Variants in ZNRF1 observed in about 807,000 individuals in gnomAD.
The protein encoded by ZNRF1 is zinc and ring finger 1, also known as E3 ubiquitin-protein ligase ZNRF1.
In ZNRF1, 3 loss-of-function variants were observed where a neutral mutation model predicts 18.4. The observed-to-expected ratio is 0.16, with a 90% CI of 0.07 to 0.42. The LOEUF is 0.42. Among genes scored for constraint, ZNRF1 ranks in the 10% least tolerant of loss-of-function variants. The pLI is 0.99. For missense variants in ZNRF1, 310 were observed against 329.8 expected, an observed-to-expected ratio of 0.94 and a Z score of 0.47; for synonymous variants, 157 against 144.2, an observed-to-expected ratio of 1.09 and a Z score of -0.64.
intron 2 of ZNRF1, among the ~76,000 whole-genome samples, chr16:75,094,357 A>G (rs966286180): frequency 6.6e-6 from 1 of 152,206 alleles, no homozygotes; most frequent in Non-Finnish European, 1.5e-5. Flanking sequence ...GGGGATTTCA[A>G]AACACCCAAG....
At chr16:75,018,690 A>G (rs973568319) in intron 1 of ZNRF1, among the ~76,000 whole-genome samples, 1 of 152,164 alleles carries the variant, frequency 6.6e-6, no homozygotes, top group Non-Finnish European at 1.5e-5. Flanking sequence ...GATTTGAATT[A>G]TGTTAATAGA....
At chr16:75,084,796 C>T (rs976309696) in intron 1 of ZNRF1, among the ~76,000 whole-genome samples, 24 of 152,286 alleles carry the variant, frequency 1.6e-4, no homozygotes, top group African/African-American at 4.8e-4. Context: ...ACCGCTGTAT[C>T]CAAATTAGCA....
chr16:75,058,390 G>A (rs533466184), intron 1 of ZNRF1, among the ~76,000 whole-genome samples: 1 of 152,204 alleles, frequency 6.6e-6, no homozygotes, highest in South Asian at 2.1e-4. Flanking sequence ...TGCTTGCAAG[G>A]AGCACTCTAA....
At chr16:75,067,846 C>CA (rs1308459076) in intron 1 of ZNRF1, among the ~76,000 whole-genome samples, 1 of 152,166 alleles carries the variant, frequency 6.6e-6, no homozygotes, top group Non-Finnish European at 1.5e-5. Flanking sequence ...GGTAACACCA[C>CA]AAAATTAATA....
At chr16:75,049,247 T>C (rs1301668996) in intron 1 of ZNRF1, among the ~76,000 whole-genome samples, 5 of 152,110 alleles carry the variant, frequency 3.3e-5, no homozygotes, top group Non-Finnish European at 7.4e-5. Flanking sequence ...TTAGGTGATC[T>C]GCCCGCTTTG....
At chr16:75,033,437 GTTTT>G (rs55813752) in intron 1 of ZNRF1, among the ~76,000 whole-genome samples, 156 of 98,120 alleles carry the variant, frequency 1.6e-3, no homozygotes, top group Middle Eastern at 9.7e-3. Flanking sequence ...GTGTTTTATA[GTTTT>G]TTTTTTTTTT....
At chr16:75,095,815 C>A (rs2036190900) in intron 2 of ZNRF1, 9 of 1,405,188 alleles carry the variant, frequency 6.4e-6, no homozygotes, top group Non-Finnish European at 8.5e-6. Flanking sequence ...CCCCTGTCCC[C>A]CTCTGTATCA....
Position 75,093,553 on chromosome 16 carries a change from C to A in ZNRF1, c.425-19C>A. 1 of 1,595,482 alleles carries A rather than the reference C, an allele frequency of 6.3e-7. No homozygotes were observed. Among genetic ancestry groups the A allele is most frequent in the Non-Finnish European group, 8.6e-7 (1 of 1,163,228 alleles). On this transcript the variant is annotated intron_variant, in intron 1 of 4. Coordinates refer to ENST00000335325, the MANE Select transcript of ZNRF1 (RefSeq NM_032268.5). ...CTGGATCTGGAGAAAACATTTCATC[C>A]CATTCTCCTCTCTTTCAGGTTTCAA...
chr16:75,049,434 C>A (rs547420449), intron 1 of ZNRF1, among the ~76,000 whole-genome samples: 4 of 152,158 alleles, frequency 2.6e-5, no homozygotes, highest in Admixed American at 2.0e-4. Context: ...TCAGGCAATT[C>A]TCCTGCCTCA....
intron 1 of ZNRF1, among the ~76,000 whole-genome samples, chr16:75,069,412 A>C (rs1425692574): frequency 6.6e-6 from 1 of 151,980 alleles, no homozygotes; most frequent in East Asian, 1.9e-4. Flanking sequence ...GAGTGGGCTT[A>C]TCTGGGCTTT....
chr16:75,104,663 G>A, intron 2 of ZNRF1, 121 bp from the exon 3 acceptor site: 1 of 779,346 alleles, frequency 1.3e-6, no homozygotes, highest in Non-Finnish European at 2.1e-6. Context: ...TGTGTCCCCT[G>A]CAGAGCCGGG....
chr16:75,068,324 A>G (rs2035829031), intron 1 of ZNRF1, among the ~76,000 whole-genome samples: 1 of 151,864 alleles, frequency 6.6e-6, no homozygotes. Flanking sequence ...TGATCACACC[A>G]CTGTACTCCA....
At chr16:75,088,026 A>G (rs1470008716) in intron 1 of ZNRF1, among the ~76,000 whole-genome samples, 2 of 152,354 alleles carry the variant, frequency 1.3e-5, no homozygotes, top group African/African-American at 2.4e-5. Context: ...AAGTTTGACA[A>G]AATCATGCAG....
Position 74,999,418 on chromosome 16 carries a change from T to G in ZNRF1, c.-254T>G. ...CGGAGCCCGCGCCGGACTGCGCCTCTTTGGACCTTGAGGGGAAACATGCGT... is the reference window on the plus strand; with the variant it reads ...CGGAGCCCGCGCCGGACTGCGCCTCGTTGGACCTTGAGGGGAAACATGCGT... On this transcript the variant is annotated 5_prime_UTR_variant, in exon 1 of 5. Coordinates refer to ENST00000335325, the MANE Select transcript of ZNRF1 (RefSeq NM_032268.5). 6.0e-6 allele frequency: 2 copies of G among 334,368 alleles called. No individual in the cohort carries two copies. Among genetic ancestry groups the G allele is most frequent in the Non-Finnish European group, 1.1e-5 (2 of 185,626 alleles). The allele number at this position is 334,368 out of a possible 1,614,324, so 20.7% of individuals were successfully genotyped here. A position where few individuals can be genotyped will look rare whatever the true frequency, so the allele number is the denominator to read the frequency against.
chr16:75,056,018 G>A (rs574374871), intron 1 of ZNRF1, among the ~76,000 whole-genome samples: 2 of 152,308 alleles, frequency 1.3e-5, no homozygotes, highest in South Asian at 4.1e-4. Flanking sequence ...CAGGCATGTT[G>A]TATTTCTATG....
At chr16:75,097,386 G>A (rs2036211762) in intron 2 of ZNRF1, among the ~76,000 whole-genome samples, 1 of 152,124 alleles carries the variant, frequency 6.6e-6, no homozygotes, top group South Asian at 2.1e-4. Context: ...GCAGCACCAA[G>A]GAGAGCTCCC....
intron 2 of ZNRF1, chr16:75,095,289 C>T: frequency 5.1e-6 from 1 of 196,758 alleles, no homozygotes; most frequent in Non-Finnish European, 1.0e-5. Flanking sequence ...CCCCAGGGGA[C>T]AACGCCTCCT....
chr16:75,033,609 G>A (rs1317682766), intron 1 of ZNRF1, among the ~76,000 whole-genome samples: 1 of 151,860 alleles, frequency 6.6e-6, no homozygotes, highest in Non-Finnish European at 1.5e-5. Flanking sequence ...GCTAATTTTT[G>A]TATTTTTGGT....
intron 1 of ZNRF1, among the ~76,000 whole-genome samples, chr16:75,047,289 C>A (rs938368543): frequency 5.3e-5 from 8 of 152,152 alleles, no homozygotes; most frequent in African/African-American, 9.7e-5. Context: ...CTTCCTGCTT[C>A]AGCCTCCCAA....
Sources: gnomAD v4.1 joint callset for allele counts (sites outside exome capture counted in the v4.1 genomes callset) on GRCh38, gnomAD v4.1.1 for gene constraint, MANE v1.5 for transcripts, NCBI Gene and HGNC (gene_info 2026-07-23, HGNC 2026-07-21) for gene names.